SLC30A8: variants seen among roughly 807,000 people sequenced by gnomAD.
SLC30A8 encodes proton-coupled zinc antiporter SLC30A8.
In SLC30A8, 27 loss-of-function variants were observed where a neutral mutation model predicts 36.9. The ratio of observed to expected loss-of-function variants is 0.73; its 90% CI spans 0.54 to 1.01. The LOEUF is 1.01. SLC30A8 is among the 50% of genes least tolerant of loss of function. SLC30A8 has a pLI of 0.00. For synonymous variants in SLC30A8, 164 were observed against 172.4 expected (o/e 0.95, Z 0.38); for missense variants, 439 against 452.0 (o/e 0.97, Z 0.26).
intron 2 of SLC30A8, among the ~76,000 whole-genome samples, chr8:117,110,395 C>G (rs1449877321): frequency 6.6e-6 from 1 of 152,058 alleles, no homozygotes; most frequent in Non-Finnish European, 1.5e-5. Context: ...TAAAAAGAGC[C>G]AAGGAAATGA....
chr8:116,960,241 G>T (rs1054608334), intron 1 of SLC30A8, among the ~76,000 whole-genome samples: 1 of 152,202 alleles, frequency 6.6e-6, no homozygotes, highest in Non-Finnish European at 1.5e-5. Context: ...CTGTTAGTTT[G>T]TAAGGACCAA....
intron 2 of SLC30A8, among the ~76,000 whole-genome samples, chr8:117,057,580 C>CT (rs140106601): frequency 0.095 from 14,512 of 152,068 alleles, 1,142 homozygotes; most frequent in African/African-American, 0.22. Context: ...ATGAGTTCAA[C>CT]TTTTTTTAGA....
chr8:117,033,022 T>A (rs889710525), intron 1 of SLC30A8, among the ~76,000 whole-genome samples: 2 of 152,110 alleles, frequency 1.3e-5, no homozygotes, highest in Non-Finnish European at 2.9e-5. Context: ...GGCAGCCACG[T>A]GAAGGAAGGG....
chr8:117,003,252 G>T lies in SLC30A8; in HGVS notation c.-265-35967G>T, dbSNP rs545268252. 1.5e-4 allele frequency among the ~76,000 whole-genome samples: 23 copies of T among 152,242 alleles called. No homozygotes were observed. In the South Asian group the frequency reaches 4.8e-3, roughly 32 times the overall value. On this transcript the variant is annotated intron_variant, in intron 1 of 10. Coordinates refer to the SLC30A8 transcript ENST00000427715. ...CATCAGAGCCTATATGGTTAATCAA[G>T]AAACAAAATGGTATTGTCAACACGT...
chr8:116,984,374 A>G (rs186924954), intron 1 of SLC30A8, among the ~76,000 whole-genome samples: 2 of 152,318 alleles, frequency 1.3e-5, no homozygotes, highest in Admixed American at 1.3e-4. Context: ...TTAGTTTTTT[A>G]AGAAACAGCC....
chr8:117,143,295 C>A (rs1490299245), intron 1 of SLC30A8, among the ~76,000 whole-genome samples: 1 of 152,050 alleles, frequency 6.6e-6, no homozygotes, highest in Non-Finnish European at 1.5e-5. Flanking sequence ...ACTTTTTCAT[C>A]TCTTTTTCTC....
intron 2 of SLC30A8, chr8:117,055,917 T>A (rs1817856583): frequency 6.6e-6 from 1 of 152,300 alleles, no homozygotes; most frequent in Non-Finnish European, 1.5e-5. Flanking sequence ...CAGATGCTTT[T>A]CTTGGTGGTC....
rs182581932 is a variant in SLC30A8, at chr8:117,065,824, G to A, written c.-226+26566G>A. ...CCTTGAAAAGTAAGTGAGTAGATGC[G>A]TCTAAGTCTACATGCAGGATCAGAT... On this transcript the variant is annotated intron_variant, in intron 2 of 10. Transcript: ENST00000427715. Among the ~76,000 whole-genome samples the A allele has an allele frequency of 1.1e-4, 16 of 152,220 alleles. 1 individual carries two copies. Among genetic ancestry groups the A allele is most frequent in the Middle Eastern group, 6.8e-3 (2 of 294 alleles).
At chr8:117,023,972 G>A (rs1816793482) in intron 1 of SLC30A8, among the ~76,000 whole-genome samples, 1 of 152,016 alleles carries the variant, frequency 6.6e-6, no homozygotes, top group Non-Finnish European at 1.5e-5. Context: ...TTCAATTGAT[G>A]GCATATTTTA....
At chr8:116,999,802 A>G (rs1815946422) in intron 1 of SLC30A8, among the ~76,000 whole-genome samples, 1 of 151,896 alleles carries the variant, frequency 6.6e-6, no homozygotes, top group Admixed American at 6.5e-5. Flanking sequence ...TTAAAGTTTC[A>G]CATTTATAAG....
chr8:116,996,535 C>A (rs1008003373), intron 1 of SLC30A8, among the ~76,000 whole-genome samples: 28 of 152,100 alleles, frequency 1.8e-4, no homozygotes, highest in African/African-American at 6.7e-4. Context: ...ACTTGTTCTC[C>A]CTAAACCCCA....
intron 1 of SLC30A8, among the ~76,000 whole-genome samples, chr8:117,014,005 A>G (rs912885764): frequency 6.6e-6 from 1 of 152,194 alleles, no homozygotes; most frequent in African/African-American, 2.4e-5. Context: ...AGTGTGAAAC[A>G]GACTATCAAT....
chr8:117,104,076 T>C (rs1239771886), intron 2 of SLC30A8, among the ~76,000 whole-genome samples: 1 of 152,148 alleles, frequency 6.6e-6, no homozygotes, highest in African/African-American at 2.4e-5. Flanking sequence ...ACATGGCTGA[T>C]TGAATGCATA....
At chr8:117,106,511 T>G (rs1488497073) in intron 2 of SLC30A8, among the ~76,000 whole-genome samples, 1 of 152,200 alleles carries the variant, frequency 6.6e-6, no homozygotes, top group Non-Finnish European at 1.5e-5. Context: ...AAGAAGGAAC[T>G]TCGAGCAAAA....
intron 2 of SLC30A8, among the ~76,000 whole-genome samples, chr8:117,046,773 C>T (rs1817565255): frequency 6.6e-6 from 1 of 152,218 alleles, no homozygotes; most frequent in Admixed American, 6.5e-5. Flanking sequence ...AGCTGTCTTT[C>T]TCAATTTCCA....
chr8:117,163,276 T>A (rs1053616474), intron 5 of SLC30A8, 149 bp from the exon 6 acceptor site: 1 of 547,958 alleles, frequency 1.8e-6, no homozygotes, highest in Non-Finnish European at 3.1e-6. Flanking sequence ...AAAAACAAAG[T>A]CTTCCCTCTC....
intron 2 of SLC30A8, among the ~76,000 whole-genome samples, chr8:117,097,181 C>T (rs1356468003): frequency 2.0e-5 from 3 of 151,140 alleles, no homozygotes; most frequent in African/African-American, 4.9e-5. Context: ...GGGCAGATCA[C>T]GAGGTCAGGA....
chr8:117,070,000 C>T (rs915464168), intron 2 of SLC30A8, among the ~76,000 whole-genome samples: 5 of 152,236 alleles, frequency 3.3e-5, no homozygotes, highest in Admixed American at 2.6e-4. Flanking sequence ...TTATATGTGA[C>T]TCTTTCACAT....
chr8:117,165,023 A>G (rs960657234), intron 6 of SLC30A8, among the ~76,000 whole-genome samples: 4 of 152,196 alleles, frequency 2.6e-5, no homozygotes, highest in Admixed American at 1.3e-4. Context: ...TGGTTGAAGA[A>G]CTACTGGTTT....
Sources: allele counts gnomAD v4.1 joint callset (sites outside exome capture counted in the v4.1 genomes callset), GRCh38; gene constraint gnomAD v4.1.1; transcripts MANE v1.5; gene names NCBI Gene and HGNC (gene_info 2026-07-23, HGNC 2026-07-21).